Variants in SKAP2 observed in about 807,000 individuals in gnomAD.
The protein encoded by SKAP2 is src kinase-associated phosphoprotein 2.
In SKAP2, 28 loss-of-function variants were observed where a neutral mutation model predicts 54.9. The ratio of observed to expected loss-of-function variants is 0.51; its 90% CI spans 0.38 to 0.70. The LOEUF is 0.70. Ranked by LOEUF, SKAP2 falls within the 30% of genes least tolerant of loss-of-function variation. The pLI is 0.00. For synonymous variants in SKAP2, 137 were observed against 134.3 expected (o/e 1.02, Z -0.14); for missense variants, 356 against 424.1 (o/e 0.84, Z 1.41).
At chr7:26,747,070 ATAT>A (rs1782573057) in intron 4 of SKAP2, among the ~76,000 whole-genome samples, 1 of 152,184 alleles carries the variant, frequency 6.6e-6, no homozygotes, top group Admixed American at 6.6e-5. Flanking sequence ...CAAAAGGAAG[ATAT>A]TATATATTCA....
intron 4 of SKAP2, among the ~76,000 whole-genome samples, chr7:26,830,720 T>G (rs1282080027): frequency 2.6e-5 from 4 of 152,126 alleles, no homozygotes; most frequent in Admixed American, 2.6e-4. Context: ...CATACTTAAT[T>G]TTTCCTCAAG....
At chr7:26,754,412 A>C (rs1782747217) in intron 4 of SKAP2, among the ~76,000 whole-genome samples, 1 of 151,934 alleles carries the variant, frequency 6.6e-6, no homozygotes, top group Admixed American at 6.6e-5. Flanking sequence ...AAAAAAAAAA[A>C]AAACCCAACT....
chr7:26,751,673 G>A (rs548553555), intron 4 of SKAP2, among the ~76,000 whole-genome samples: 2 of 152,136 alleles, frequency 1.3e-5, no homozygotes, highest in South Asian at 4.2e-4. Context: ...CACACCATTT[G>A]TTTTCCTTCC....
chr7:26,662,965 CAG>C (rs1345931475), downstream of SKAP2, among the ~76,000 whole-genome samples: 1 of 152,036 alleles, frequency 6.6e-6, no homozygotes, highest in Non-Finnish European at 1.5e-5. Flanking sequence ...CAGGGAGCAA[CAG>C]AGACTCTACG....
intron 1 of SKAP2, chr7:26,858,109 G>C (rs1308666641): frequency 6.6e-6 from 1 of 152,160 alleles, no homozygotes; most frequent in Non-Finnish European, 1.5e-5. Flanking sequence ...TACTGGCCAC[G>C]GGAGAGAAGC....
At chr7:26,732,291 C>G (rs1324119515) in intron 6 of SKAP2, among the ~76,000 whole-genome samples, 1 of 152,174 alleles carries the variant, frequency 6.6e-6, no homozygotes, top group Non-Finnish European at 1.5e-5. Context: ...CATCACATGT[C>G]CTGGCTTGGC....
At chr7:26,825,231 A>T (rs973503228) in intron 4 of SKAP2, among the ~76,000 whole-genome samples, 1 of 152,216 alleles carries the variant, frequency 6.6e-6, no homozygotes, top group African/African-American at 2.4e-5. Flanking sequence ...AGATACAGAT[A>T]TTAATACTAG....
intron 4 of SKAP2, among the ~76,000 whole-genome samples, chr7:26,801,307 C>T (rs528999561): frequency 6.6e-6 from 1 of 152,200 alleles, no homozygotes; most frequent in South Asian, 2.1e-4. Context: ...AATTCAACAT[C>T]CCTTCATGAC....
chr7:26,836,357 C>T (rs1229774425), intron 4 of SKAP2, among the ~76,000 whole-genome samples: 1 of 152,138 alleles, frequency 6.6e-6, no homozygotes, highest in African/African-American at 2.4e-5. Flanking sequence ...CCTAATTAAA[C>T]TAAAGAGCTT....
intron 4 of SKAP2, among the ~76,000 whole-genome samples, chr7:26,836,617 G>T (rs187991600): frequency 2.1e-4 from 32 of 152,270 alleles, no homozygotes; most frequent in Admixed American, 3.3e-4. Context: ...TGAGAGAAAT[G>T]AAAATCAAAC....
chr7:26,864,531 T>A lies in SKAP2; in HGVS notation c.-102A>T. On this transcript the variant is annotated 5_prime_UTR_variant, in exon 1 of 13. Transcript: ENST00000345317. ...CTAGACTCAGGCTAGCGGCCCGGAT[T>A]AAGAACAGCGGGGCTACGAGTCGGG... 1 of 1,479,478 alleles carries A rather than the reference T, an allele frequency of 6.8e-7. No individual in the cohort carries two copies. Among genetic ancestry groups the A allele is most frequent in the Non-Finnish European group, 9.0e-7 (1 of 1,116,358 alleles). The allele number at this position is 1,479,478 out of a possible 1,614,324, so 91.6% of individuals were successfully genotyped here. A position where few individuals can be genotyped will look rare whatever the true frequency, so the allele number is the denominator to read the frequency against.
At position 26,728,476 on chromosome 7, in the gene SKAP2, T is replaced by C. The variant is rs113029167; in HGVS notation, c.470-1470A>G. 3.5e-3 allele frequency among the ~76,000 whole-genome samples: 535 copies of C among 152,254 alleles called. 3 individuals carry two copies. Among genetic ancestry groups the C allele is most frequent in the African/African-American group, 0.012 (508 of 41,564 alleles). On this transcript the variant is annotated intron_variant, in intron 6 of 12. Coordinates refer to ENST00000345317, the MANE Select transcript of SKAP2 (RefSeq NM_003930.5). The stretch of plus-strand genomic sequence containing the variant: ...TATTTTATGGTACTCCCAGGATATA[T>C]TTCGTAAGACACCTAACTAGGAAAC...
chr7:26,674,515 G>A (rs965322982), intron 11 of SKAP2, among the ~76,000 whole-genome samples: 25 of 151,994 alleles, frequency 1.6e-4, no homozygotes, highest in African/African-American at 4.8e-4. Flanking sequence ...GTACAACCTC[G>A]GCGTTTTACT....
intron 1 of SKAP2, chr7:26,857,725 G>T (rs1785202453): frequency 2.0e-6 from 2 of 985,306 alleles, no homozygotes; most frequent in South Asian, 9.4e-5. Context: ...TAGACAAATG[G>T]GGCTGGATCT....
At chr7:26,698,793 T>C (rs1311322540) in intron 9 of SKAP2, among the ~76,000 whole-genome samples, 1 of 152,198 alleles carries the variant, frequency 6.6e-6, no homozygotes, top group African/African-American at 2.4e-5. Flanking sequence ...AGCTTGTCAT[T>C]TCAAGGGAAA....
chr7:26,845,031 G>A (rs1042579021), intron 3 of SKAP2, among the ~76,000 whole-genome samples: 6 of 152,022 alleles, frequency 3.9e-5, no homozygotes, highest in South Asian at 2.1e-4. Context: ...TTTGTCACCC[G>A]GATTTCACAA....
At chr7:26,758,924 C>T (rs1239049927) in intron 4 of SKAP2, among the ~76,000 whole-genome samples, 4 of 152,178 alleles carry the variant, frequency 2.6e-5, no homozygotes, top group African/African-American at 7.2e-5. Context: ...GATTTTTGGA[C>T]GTCCACATGA....
intron 4 of SKAP2, among the ~76,000 whole-genome samples, chr7:26,824,587 T>C (rs1403526756): frequency 6.6e-6 from 1 of 152,196 alleles, no homozygotes; most frequent in African/African-American, 2.4e-5. Flanking sequence ...TGTCTCAATT[T>C]TAAACCAATC....
intron 9 of SKAP2, among the ~76,000 whole-genome samples, chr7:26,717,682 A>T (rs1787482931): frequency 1.3e-5 from 2 of 151,020 alleles, no homozygotes; most frequent in Non-Finnish European, 3.0e-5. Flanking sequence ...AAATACAAAA[A>T]ATTAGCTGGG....
Sources: gnomAD v4.1 joint callset for allele counts (sites outside exome capture counted in the v4.1 genomes callset) on GRCh38, gnomAD v4.1.1 for gene constraint, MANE v1.5 for transcripts, NCBI Gene and HGNC (gene_info 2026-07-23, HGNC 2026-07-21) for gene names.